The following CDKL1 variants were observed in gnomAD, a reference collection of about 807,000 sequenced individuals.
CDKL1 encodes the protein cyclin-dependent kinase-like 1.
A neutral mutation model predicts 42.0 loss-of-function variants in CDKL1; 41 were observed. The observed-to-expected ratio is 0.98, with a 90% confidence interval of 0.76 to 1.27. The LOEUF (loss-of-function observed/expected upper bound fraction) is 1.27, where lower values mean the gene tolerates loss of function less well. CDKL1 is among the 50% of genes most tolerant of loss of function. The pLI, the probability that CDKL1 is intolerant of heterozygous loss-of-function variation, is 0.00. For synonymous variants in CDKL1, 153 were observed against 158.6 expected, an observed-to-expected ratio of 0.96 and a Z score of 0.26; for missense variants, 394 against 428.4, an observed-to-expected ratio of 0.92 and a Z score of 0.71.
At position 50,346,851 on chromosome 14, in the gene CDKL1, G is replaced by A. The variant is rs147438732; in HGVS notation, c.291-1793C>T. On this transcript the variant is annotated intron_variant, in intron 3 of 9. Transcript: ENST00000395834. ...TTTAGTAGAGACAGAGTTTCACCATGTTGACCAGGCTGGTCTCAAACCCCA... is the reference window on the plus strand; with the variant it reads ...TTTAGTAGAGACAGAGTTTCACCATATTGACCAGGCTGGTCTCAAACCCCA... 2.4e-3 allele frequency among the ~76,000 whole-genome samples: 368 copies of A among 151,964 alleles called. 1 individual carries two copies. Among genetic ancestry groups the A allele is most frequent in the African/African-American group, 7.6e-3 (316 of 41,436 alleles).
At chr14:50,357,063 T>G (rs990038913) in intron 3 of CDKL1, 16 of 152,222 alleles carry the variant, frequency 1.1e-4, no homozygotes, top group Non-Finnish European at 1.6e-4. Flanking sequence ...CACATAGCCA[T>G]GAGTAACTTA....
chr14:50,376,274 C>T lies in CDKL1; in HGVS notation c.169-17125G>A, dbSNP rs1005741852. 10 of 423,564 alleles carry T rather than the reference C, an allele frequency of 2.4e-5. No homozygotes were observed. The East Asian group carries it at 5.0e-4, about 21-fold the overall frequency. 26.2% of individuals were successfully genotyped at this position (423,564 alleles called of 1,614,324 possible). A position where few individuals can be genotyped will look rare whatever the true frequency, so the allele number is the denominator to read the frequency against. On this transcript the variant is annotated intron_variant, in intron 2 of 9. Coordinates refer to ENST00000395834, the MANE Select transcript of CDKL1 (RefSeq NM_004196.7). ...GAACTCTACTATCTTCTAGTTTTTC[C>T]GTAATCTAAAACTATTCTAAAAATA...
chr14:50,330,288 CT>C (rs1399322807), intron 9 of CDKL1, 107 bp from the exon 10 acceptor site: 18 of 1,377,552 alleles, frequency 1.3e-5, no homozygotes, highest in East Asian at 5.5e-5. Context: ...TATAGAAGTA[CT>C]TTTTTTGCAC....
At chr14:50,382,230 A>ATCACGAGG (rs1421230817) in intron 2 of CDKL1, among the ~76,000 whole-genome samples, 17 of 152,166 alleles carry the variant, frequency 1.1e-4, no homozygotes, top group African/African-American at 3.9e-4. Context: ...AGGCAGGCGG[A>ATCACGAGG]TCACGAGGTC....
In CDKL1 at chr14:50,385,087, A is replaced by G. The variant is rs1312377378; in HGVS notation, c.168+10614T>C. Among the ~76,000 whole-genome samples the G allele has an allele frequency of 8.9e-4, 21 of 23,716 alleles. 1 individual carries two copies. Among genetic ancestry groups the G allele is most frequent in the Non-Finnish European group, 1.2e-3 (9 of 7,670 alleles). The allele number at this position is 23,716 out of a possible 152,430, so 15.6% of individuals were successfully genotyped here. ...CTCTGTCTCAAAAAAAAAAAAAAAA[A>G]AAAAAAAAAAAAAAAAAAAAAGAAC... On this transcript the variant is annotated intron_variant, in intron 2 of 9. Coordinates refer to ENST00000395834, the MANE Select transcript of CDKL1 (RefSeq NM_004196.7).
rs138817331 is a variant in CDKL1, at chr14:50,362,827, G to A, written c.169-3678C>T. The A allele has an allele frequency of 9.9e-6, 3 of 302,098 alleles. No individual in the cohort carries two copies. The East Asian group carries it at 2.6e-4, about 26-fold the overall frequency. The allele number at this position is 302,098 out of a possible 1,614,324, so 18.7% of individuals were successfully genotyped here. A position where few individuals can be genotyped will look rare whatever the true frequency, so the allele number is the denominator to read the frequency against. ...CTCTGTAAAATGGACCAATCAGCAG[G>A]ATGTGGGTAGGGCCAGATAAGAGAA... On this transcript the variant is annotated intron_variant, in intron 2 of 9. Transcript: ENST00000395834.
rs143508948 is a variant in CDKL1, at chr14:50,388,866, G to A, written c.168+6835C>T. ...TGTAATCCCTGTACTTAGGGAGGCC[G>A]AGGGAGGCGGATCATGAGATCAGGA... On this transcript the variant is annotated intron_variant, in intron 2 of 9. Coordinates refer to ENST00000395834, the MANE Select transcript of CDKL1 (RefSeq NM_004196.7). 4.8e-3 allele frequency among the ~76,000 whole-genome samples: 730 copies of A among 151,954 alleles called. 2 individuals carry two copies. Among genetic ancestry groups the A allele is most frequent in the African/African-American group, 0.017 (689 of 41,460 alleles).
At chr14:50,347,481 G>A (rs2033766543) in intron 3 of CDKL1, among the ~76,000 whole-genome samples, 1 of 152,080 alleles carries the variant, frequency 6.6e-6, no homozygotes, top group Non-Finnish European at 1.5e-5. Context: ...GCCAGATTTG[G>A]GCTATATTTT....
At chr14:50,377,384 C>G (rs972338921) in intron 2 of CDKL1, among the ~76,000 whole-genome samples, 1 of 152,150 alleles carries the variant, frequency 6.6e-6, no homozygotes, top group East Asian at 1.9e-4. Context: ...CAGGATGAGT[C>G]CCCGTTCCTG....
At chr14:50,377,684 CT>C in intron 2 of CDKL1, 1 of 1,328,666 alleles carries the variant, frequency 7.5e-7, no homozygotes, top group South Asian at 1.2e-5. Flanking sequence ...GTCACTAAGC[CT>C]TTTGTCAGGG....
intron 8 of CDKL1, chr14:50,333,784 A>C (rs7157177): frequency 6.6e-6 from 1 of 151,774 alleles, no homozygotes; most frequent in African/African-American, 2.4e-5. Context: ...TATTTAATAC[A>C]TCAGTAAATA....
At chr14:50,358,892 G>C in intron 3 of CDKL1, 136 bp downstream of exon 3, 1 of 758,722 alleles carries the variant, frequency 1.3e-6, no homozygotes. Flanking sequence ...CACCCGTCTA[G>C]GCCTCCCAAA....
intron 2 of CDKL1, among the ~76,000 whole-genome samples, chr14:50,373,938 T>C (rs1194742018): frequency 6.6e-6 from 1 of 152,250 alleles, no homozygotes; most frequent in Non-Finnish European, 1.5e-5. Flanking sequence ...TTTACCCAAA[T>C]GGTTGAAAAC....
At chr14:50,341,292 G>C in intron 5 of CDKL1, 60 bp from the exon 6 acceptor site, 1 of 1,528,332 alleles carries the variant, frequency 6.5e-7, no homozygotes, top group African/African-American at 1.4e-5. Flanking sequence ...CAAAACTGAG[G>C]GGGAGATCTC....
chr14:50,366,886 A>G (rs1298764178), intron 2 of CDKL1, among the ~76,000 whole-genome samples: 1 of 151,574 alleles, frequency 6.6e-6, no homozygotes, highest in Non-Finnish European at 1.5e-5. Flanking sequence ...ACTGGGAGAA[A>G]GAAGTCACTA....
At chr14:50,332,909 T>TTTTC (rs1237872338) in intron 8 of CDKL1, 69 of 338,872 alleles carry the variant, frequency 2.0e-4, no homozygotes, top group African/African-American at 1.4e-3. Context: ...GCTACTTTTT[T>TTTTC]TTTTTTTTTT....
intron 2 of CDKL1, chr14:50,363,856 C>G (rs1290515957): frequency 6.6e-6 from 1 of 152,394 alleles, no homozygotes; most frequent in Non-Finnish European, 1.5e-5. Context: ...TCTCCAGCCC[C>G]AACACTTATA....
chr14:50,358,055 G>A lies in CDKL1; in HGVS notation c.290+973C>T, dbSNP rs772634459. 8 of 1,355,850 alleles carry A rather than the reference G, an allele frequency of 5.9e-6. No individual in the cohort carries two copies. The Admixed American group carries it at 1.5e-4, about 26-fold the overall frequency. 84.0% of individuals were successfully genotyped at this position (1,355,850 alleles called of 1,614,324 possible). A position where few individuals can be genotyped will look rare whatever the true frequency, so the allele number is the denominator to read the frequency against. ...AGAGGCTGCCCTCAACTTCAGGAAG[G>A]GACCCCCTCCTCCTTTTTTCTTTTT... On this transcript the variant is annotated intron_variant, in intron 3 of 9. Coordinates refer to ENST00000395834, the MANE Select transcript of CDKL1 (RefSeq NM_004196.7).
intron 2 of CDKL1, among the ~76,000 whole-genome samples, chr14:50,370,614 G>C (rs181053321): frequency 2.6e-5 from 4 of 152,302 alleles, no homozygotes; most frequent in Middle Eastern, 3.4e-3. Context: ...AGAGAAAAGA[G>C]GTTTAATTAG....
Sources: gnomAD v4.1 joint callset for allele counts (sites outside exome capture counted in the v4.1 genomes callset) on GRCh38, gnomAD v4.1.1 for gene constraint, MANE v1.5 for transcripts, NCBI Gene and HGNC (gene_info 2026-07-23, HGNC 2026-07-21) for gene names.